Variants in VWA5A observed in about 807,000 individuals in gnomAD.
VWA5A encodes the protein von Willebrand factor A domain containing 5A, also known as von Willebrand factor A domain-containing protein 5A.
Under a neutral mutation model 84.6 loss-of-function variants are expected in VWA5A, and 77 were observed. The observed-to-expected ratio is 0.91, with a 90% CI of 0.76 to 1.10. VWA5A has a LOEUF of 1.10. Ranked by LOEUF, VWA5A falls within the 50% of genes least tolerant of loss-of-function variation. The pLI is 0.00. For synonymous variants in VWA5A, 334 were observed against 350.1 expected (o/e 0.95, Z 0.51); for missense variants, 973 against 963.0 (o/e 1.01, Z -0.14).
intron 17 of VWA5A, among the ~76,000 whole-genome samples, chr11:124,144,674 TG>T (rs893626357): frequency 2.6e-5 from 4 of 152,206 alleles, no homozygotes; most frequent in African/African-American, 9.6e-5. Flanking sequence ...CGAAAACTCA[TG>T]GGAGACAATT....
rs557299717 is a variant in VWA5A, at chr11:124,134,156, T to C, written c.1245-764T>C. Among the ~76,000 whole-genome samples the C allele has an allele frequency of 7.9e-5, 12 of 152,344 alleles. No individual in the cohort carries two copies. The East Asian group carries it at 2.3e-3, about 29-fold the overall frequency. On this transcript the variant is annotated intron_variant, in intron 11 of 18. Coordinates refer to ENST00000456829, the MANE Select transcript of VWA5A (RefSeq NM_001130142.2). The stretch of plus-strand genomic sequence containing the variant: ...GTCAGGCTATAGTATTTAGGAAGTA[T>C]TGTTACACGTAGGTCCAGTTAGAAG...
intron 11 of VWA5A, among the ~76,000 whole-genome samples, chr11:124,126,379 A>G (rs1865018708): frequency 6.6e-6 from 1 of 152,144 alleles, no homozygotes; most frequent in Admixed American, 6.5e-5. Context: ...ATATCCTTTC[A>G]TTTACTTTGG....
In VWA5A at chr11:124,118,402, C is replaced by G. The variant is rs1259756923; in HGVS notation, c.460C>G (p.Gln154Glu). 6.2e-7 allele frequency: 1 copy of G among 1,614,184 alleles called. No homozygotes were observed. The highest frequency in any genetic ancestry group is 8.5e-7 in the Non-Finnish European group (1 of 1,180,020). Residue 154 changes from glutamine to glutamate, a missense_variant, in exon 5 of 19, where the codon CAG becomes GAG. Gln to Glu is a conservative substitution (Grantham distance 29, BLOSUM62 2). Coordinates refer to ENST00000456829, the MANE Select transcript of VWA5A (RefSeq NM_001130142.2). Reference protein sequence around the residue: ...VLPAVLNPRYQFSGSSKDSCL... With the variant: ...VLPAVLNPRYEFSGSSKDSCL... ...CCCAGCTGTCCTGAATCCTAGATAC[C>G]AGTTCTCTGGTGAGTACCTCTCCCC...
In VWA5A at chr11:124,147,467, C is replaced by T. The variant is rs768237208; in HGVS notation, c.*1522C>T. ...TGAGTTTCTTTAAGTTGTTGAGTTACCTGGTATTAGGAAGACTTGTGTGAC... is the reference window on the plus strand; with the variant it reads ...TGAGTTTCTTTAAGTTGTTGAGTTATCTGGTATTAGGAAGACTTGTGTGAC... On this transcript the variant is annotated 3_prime_UTR_variant, in exon 19 of 19. Transcript: ENST00000456829. 1.3e-5 allele frequency: 2 copies of T among 152,158 alleles called. No individual in the cohort carries two copies. Among genetic ancestry groups the T allele is most frequent in the Non-Finnish European group, 2.9e-5 (2 of 68,040 alleles). The allele number at this position is 152,158 out of a possible 1,614,324, so 9.4% of individuals were successfully genotyped here.
chr11:124,134,938 T>C lies in VWA5A; in HGVS notation c.1263T>C (p.Ile421=). The change falls in exon 12 of 19, where the codon ATT becomes ATC. Residue 421 remains isoleucine, a synonymous_variant. Coordinates refer to ENST00000456829, the MANE Select transcript of VWA5A (RefSeq NM_001130142.2). ...ATTGCAGGTGTTTCTCATTTGGTATTGGAGAAGGCACCTCCACCAGCCTAA... is the reference window on the plus strand; with the variant it reads ...ATTGCAGGTGTTTCTCATTTGGTATCGGAGAAGGCACCTCCACCAGCCTAA... ...RQKHRCFSFG[I]GEGTSTSLIK... is the part of the protein sequence containing the mutation. 6.2e-7 allele frequency: 1 copy of C among 1,613,250 alleles called. No homozygotes were observed. Among genetic ancestry groups the C allele is most frequent in the South Asian group, 1.1e-5 (1 of 90,764 alleles).
At chr11:124,121,532 G>A (rs1258813863) in intron 7 of VWA5A, among the ~76,000 whole-genome samples, 1 of 151,940 alleles carries the variant, frequency 6.6e-6, no homozygotes, top group East Asian at 1.9e-4. Flanking sequence ...TGTATTTTAT[G>A]TGTGGCCCAA....
At chr11:124,145,097 G>C (rs569886531) in intron 17 of VWA5A, 140 bp from the exon 18 acceptor site, 143 of 1,034,076 alleles carry the variant, frequency 1.4e-4, no homozygotes, top group Non-Finnish European at 1.8e-4. Flanking sequence ...TGCCTTGCAA[G>C]TAGTATCTGG....
At chr11:124,119,252 T>G (rs1201665851) in intron 7 of VWA5A, among the ~76,000 whole-genome samples, 163 bp downstream of exon 7, 1 of 152,258 alleles carries the variant, frequency 6.6e-6, no homozygotes, top group Non-Finnish European at 1.5e-5. Flanking sequence ...TTAGGTTTAA[T>G]GACTGTCATG....
At position 124,123,255 on chromosome 11, in the gene VWA5A, T is replaced by A. The variant is rs781469233; in HGVS notation, c.931-111T>A. 189 of 1,518,986 alleles carry A rather than the reference T, an allele frequency of 1.2e-4. 1 individual carries two copies. Among genetic ancestry groups the A allele is most frequent in the Non-Finnish European group, 1.6e-4 (183 of 1,123,900 alleles). The allele number at this position is 1,518,986 out of a possible 1,614,324, so 94.1% of individuals were successfully genotyped here. ...CCACCCTGAGGCTAGCCTTGGAATG[T>A]AAGAAGGCACAAGGTGGGGGATGGC... is the stretch of plus-strand genomic sequence containing the variant. On this transcript the variant is annotated intron_variant, in intron 8 of 18. Coordinates refer to ENST00000456829, the MANE Select transcript of VWA5A (RefSeq NM_001130142.2).
At chr11:124,132,226 T>C (rs1325386788) in intron 11 of VWA5A, among the ~76,000 whole-genome samples, 1 of 152,132 alleles carries the variant, frequency 6.6e-6, no homozygotes, top group Non-Finnish European at 1.5e-5. Context: ...CTCTTTCATA[T>C]ATTTTTTCAT....
At chr11:124,144,675 G>A (rs760046932) in intron 17 of VWA5A, among the ~76,000 whole-genome samples, 2 of 152,166 alleles carry the variant, frequency 1.3e-5, no homozygotes, top group Non-Finnish European at 2.9e-5. Context: ...GAAAACTCAT[G>A]GGAGACAATT....
chr11:124,139,686 G>GT (rs1555039059), intron 15 of VWA5A, among the ~76,000 whole-genome samples: 10,540 of 147,812 alleles, frequency 0.071, 941 homozygotes, highest in African/African-American at 0.21. Flanking sequence ...TTTAACAGGT[G>GT]TTTTTTTTTT....
rs1565293512 is a variant in VWA5A, at chr11:124,146,713, G to A, written c.*768G>A. 1 of 152,246 alleles carries A rather than the reference G, an allele frequency of 6.6e-6. No homozygotes were observed. The highest frequency in any genetic ancestry group is 6.5e-5 in the Admixed American group (1 of 15,268). 9.4% of individuals were successfully genotyped at this position (152,246 alleles called of 1,614,324 possible). A position where few individuals can be genotyped will look rare whatever the true frequency, so the allele number is the denominator to read the frequency against. ...CTGATCTAGTGCAGTAAAGGGAAGG[G>A]TGGGCTTAATGGGAGCTTTGCCTGG... On this transcript the variant is annotated 3_prime_UTR_variant, in exon 19 of 19. Coordinates refer to ENST00000456829, the MANE Select transcript of VWA5A (RefSeq NM_001130142.2).
intron 15 of VWA5A, among the ~76,000 whole-genome samples, chr11:124,137,666 ACAAT>A (rs1395628497): frequency 6.6e-6 from 1 of 152,178 alleles, no homozygotes; most frequent in Non-Finnish European, 1.5e-5. Flanking sequence ...ATTGATTGCC[ACAAT>A]CAATTTTAGA....
chr11:124,121,208 C>T (rs540770510), intron 7 of VWA5A, among the ~76,000 whole-genome samples: 45 of 151,778 alleles, frequency 3.0e-4, no homozygotes, highest in African/African-American at 9.7e-4. Context: ...GATGTACTTA[C>T]GATATTAAGA....
chr11:124,117,122 T>G (rs1316507559), intron 2 of VWA5A, among the ~76,000 whole-genome samples: 1 of 152,244 alleles, frequency 6.6e-6, no homozygotes, highest in East Asian at 1.9e-4. Context: ...GTGTGGATAT[T>G]ATACTACTCA....
chr11:124,145,121 C>T lies in VWA5A; in HGVS notation c.2155-116C>T. The T allele has an allele frequency of 4.6e-6, 6 of 1,318,438 alleles. No individual in the cohort carries two copies. The South Asian group carries it at 1.0e-4, about 23-fold the overall frequency. The allele number at this position is 1,318,438 out of a possible 1,614,324, so 81.7% of individuals were successfully genotyped here. A position where few individuals can be genotyped will look rare whatever the true frequency, so the allele number is the denominator to read the frequency against. ...AGTAGTATCTGGAGGTAAAGAGAGA[C>T]CAGGTAACTCCATCTAGTGACATTT... On this transcript the variant is annotated intron_variant, in intron 17 of 18. Coordinates refer to ENST00000456829, the MANE Select transcript of VWA5A (RefSeq NM_001130142.2).
chr11:124,136,958 A>T (rs1860608777), intron 14 of VWA5A, 57 bp from the exon 15 acceptor site: 4 of 1,565,294 alleles, frequency 2.6e-6, no homozygotes, highest in Non-Finnish European at 3.4e-6. Flanking sequence ...AGCCCTGAGA[A>T]ACTGGTATAT....
chr11:124,142,363 TAGC>T, intron 16 of VWA5A, 76 bp from the exon 17 acceptor site: 1 of 1,554,314 alleles, frequency 6.4e-7, no homozygotes, highest in Non-Finnish European at 8.7e-7. Context: ...TCTCTGAATT[TAGC>T]AGCCCTAAAT....
Sources: allele counts gnomAD v4.1 joint callset (sites outside exome capture counted in the v4.1 genomes callset), GRCh38; gene constraint gnomAD v4.1.1; transcripts MANE v1.5; gene names NCBI Gene and HGNC (gene_info 2026-07-23, HGNC 2026-07-21).